Variants in MRC1 observed in about 807,000 individuals in gnomAD.
MRC1 encodes macrophage mannose receptor 1.
MRC1 carries 62 observed loss-of-function variants against 102.9 expected under a neutral mutation model. The ratio of observed to expected loss-of-function variants is 0.60; its 90% CI spans 0.49 to 0.74. The LOEUF is 0.74. Among genes scored for constraint, MRC1 ranks in the 30% least tolerant of loss-of-function variants. The pLI is 0.00. For missense variants in MRC1, 1,237 were observed against 862.8 expected, an observed-to-expected ratio of 1.43 and a Z score of -5.43; for synonymous variants, 457 against 298.4, an observed-to-expected ratio of 1.53 and a Z score of -5.48.
Position 17,849,530 on chromosome 10 carries a change from T to C in MRC1, c.1064-49T>C, listed in dbSNP as rs1838879649. 5.3e-6 allele frequency: 4 copies of C among 761,036 alleles called. 1 individual carries two copies. Among genetic ancestry groups the C allele is most frequent in the Non-Finnish European group, 9.7e-6 (4 of 413,124 alleles). The allele number at this position is 761,036 out of a possible 1,614,324, so 47.1% of individuals were successfully genotyped here. The stretch of plus-strand genomic sequence containing the variant: ...AAATGATTAAAATATTGTTATAGTT[T>C]TAATCAAATCTTTTAAAATTTTTTT... On this transcript the variant is annotated intron_variant, in intron 6 of 29. Coordinates refer to ENST00000569591, the MANE Select transcript of MRC1 (RefSeq NM_002438.4).
intron 1 of MRC1, among the ~76,000 whole-genome samples, chr10:17,816,207 G>A (rs984275246): frequency 6.6e-6 from 1 of 152,164 alleles, no homozygotes; most frequent in Admixed American, 6.6e-5. Flanking sequence ...GGGGTCTTTG[G>A]GGAAAACATA....
intron 10 of MRC1, among the ~76,000 whole-genome samples, chr10:17,862,338 G>T (rs1172839722): frequency 6.6e-6 from 1 of 152,126 alleles, no homozygotes; most frequent in Non-Finnish European, 1.5e-5. Context: ...ATATATGGTA[G>T]TAGCACCCTA....
At chr10:17,886,293 TTCCTTCCTTCCTTCCTTCCTTCCC>T (rs1455033399) in intron 22 of MRC1, among the ~76,000 whole-genome samples, 11 of 151,096 alleles carry the variant, frequency 7.3e-5, no homozygotes, top group African/African-American at 2.0e-4. Context: ...TCTTCCTTCC[TTCCTTCCTTCCTTCCTTCCTTCCC>T]TCCTTCCTTC....
In MRC1 at chr10:17,833,844, G is replaced by T. The variant is rs2477662; in HGVS notation, c.802+5G>T. 385,532 of 780,240 alleles carry T rather than the reference G, an allele frequency of 0.49. 96,878 individuals carry two copies. The highest frequency in any genetic ancestry group is 0.54 in the Non-Finnish European group (223,948 of 417,852). The allele number at this position is 780,240 out of a possible 1,614,324, so 48.3% of individuals were successfully genotyped here. Reference sequence around the variant, plus strand: ...ATGAGCAAACATACCTGACAGGTAAGGACATGAAAAGTCTCAAGTAAAATC... The same window carrying T: ...ATGAGCAAACATACCTGACAGGTAATGACATGAAAAGTCTCAAGTAAAATC... On this transcript the variant is annotated splice_donor_5th_base_variant and intron_variant, in intron 4 of 29. Transcript: ENST00000569591.
In MRC1 at chr10:17,811,398, GACA is replaced by G. The variant is rs1333530452; in HGVS notation, c.61+1873_61+1875del. Among the ~76,000 whole-genome samples, 11 of 152,220 alleles carry G rather than the reference GACA, an allele frequency of 7.2e-5. No individual in the cohort carries two copies. In the East Asian group the frequency reaches 2.1e-3, roughly 29 times the overall value. ...TGCTCAGGAGTGTTTCCCTCTTCCTGACAGCAGGATGCCCTCCTCTGACTAATG... is the reference window on the plus strand; with the variant it reads ...TGCTCAGGAGTGTTTCCCTCTTCCTGGCAGGATGCCCTCCTCTGACTAATG... On this transcript the variant is annotated intron_variant, in intron 1 of 29. Coordinates refer to ENST00000569591, the MANE Select transcript of MRC1 (RefSeq NM_002438.4).
intron 8 of MRC1, among the ~76,000 whole-genome samples, chr10:17,855,080 A>G (rs2130650734): frequency 6.6e-6 from 1 of 152,314 alleles, no homozygotes; most frequent in East Asian, 1.9e-4. Flanking sequence ...AAGAGAGGGG[A>G]TAGAATCTGA....
At chr10:17,830,681 A>C (rs1470971722) in intron 3 of MRC1, among the ~76,000 whole-genome samples, 3 of 151,236 alleles carry the variant, frequency 2.0e-5, no homozygotes, top group Non-Finnish European at 2.9e-5. Context: ...TTACTGTGGG[A>C]ATTTGAACTC....
chr10:17,906,913 C>A lies in MRC1; in HGVS notation c.3827C>A (p.Ala1276Asp). Residue 1276 changes from alanine (A) to aspartate (D), a missense_variant, in exon 27 of 30, where the codon GCT becomes GAT. Physicochemically the swap from Ala to Asp is moderately radical, Grantham distance 126. Coordinates refer to ENST00000569591, the MANE Select transcript of MRC1 (RefSeq NM_002438.4). ...MGSSLVSIES[A>D]AESSFLSYRV... ...TCCTCTCTGGTTTCCATTGAAAGTGCTGCAGAATCCAGTTTTCTGTCATAT... is the reference window on the plus strand; with the variant it reads ...TCCTCTCTGGTTTCCATTGAAAGTGATGCAGAATCCAGTTTTCTGTCATAT... The A allele has an allele frequency of 1.2e-6, 1 of 804,628 alleles. No individual in the cohort carries two copies. The highest frequency in any genetic ancestry group is 2.3e-6 in the Non-Finnish European group (1 of 439,894). 49.8% of individuals were successfully genotyped at this position (804,628 alleles called of 1,614,324 possible).
intron 21 of MRC1, among the ~76,000 whole-genome samples, chr10:17,881,935 G>C (rs1833526859): frequency 7.2e-6 from 1 of 137,950 alleles, no homozygotes; most frequent in African/African-American, 2.8e-5. Flanking sequence ...AAAGTGTTAG[G>C]ATTACAGGTG....
chr10:17,819,979 CAG>C (rs1273538943), intron 1 of MRC1, among the ~76,000 whole-genome samples: 3 of 152,126 alleles, frequency 2.0e-5, no homozygotes, highest in Non-Finnish European at 4.4e-5. Context: ...AGAAATAAAG[CAG>C]TCCAGAGGCA....
Position 17,880,566 on chromosome 10 carries a change from A to C in MRC1, c.2761A>C (p.Ile921Leu). ...DINCGYPNAF[I>L]CQRHNSSINA... ...TAACTGTGGCTATCCAAACGCCTTC[A>C]TTTGCCAGCGACATAACAGTAGTAT... is the stretch of plus-strand genomic sequence containing the variant. The change falls in exon 20 of 30, where the codon ATT becomes CTT. Residue 921 changes from isoleucine to leucine, a missense_variant. Ile to Leu is a conservative substitution (Grantham distance 5). Coordinates refer to ENST00000569591, the MANE Select transcript of MRC1 (RefSeq NM_002438.4). 1.3e-6 allele frequency: 1 copy of C among 780,830 alleles called. No individual in the cohort carries two copies. Among genetic ancestry groups the C allele is most frequent in the East Asian group, 2.4e-5 (1 of 41,252 alleles). 48.4% of individuals were successfully genotyped at this position (780,830 alleles called of 1,614,324 possible).
intron 3 of MRC1, among the ~76,000 whole-genome samples, chr10:17,828,669 C>T (rs1273094263): frequency 6.6e-6 from 1 of 151,424 alleles, no homozygotes; most frequent in African/African-American, 2.5e-5. Flanking sequence ...AAGAAGGGTG[C>T]CATTTAGTTT....
At chr10:17,887,945 G>A (rs1331103452) in intron 22 of MRC1, among the ~76,000 whole-genome samples, 1 of 152,082 alleles carries the variant, frequency 6.6e-6, no homozygotes, top group Non-Finnish European at 1.5e-5. Context: ...TGGGATTACA[G>A]GTGCACACCA....
chr10:17,892,913 G>A (rs1833699905), intron 22 of MRC1, among the ~76,000 whole-genome samples: 1 of 151,896 alleles, frequency 6.6e-6, no homozygotes, highest in Non-Finnish European at 1.5e-5. Context: ...GGGAGGCCGA[G>A]GCAGAAGAAT....
intron 24 of MRC1, among the ~76,000 whole-genome samples, chr10:17,898,968 G>A (rs1175179455): frequency 1.3e-5 from 2 of 152,088 alleles, no homozygotes; most frequent in Admixed American, 6.6e-5. Context: ...ATCAAAGAGA[G>A]GCATATAGAA....
rs952218697 is a variant in MRC1 at position 17,910,456 on chromosome 10, G to T, written c.4362G>T (p.Ser1454=). The change falls in exon 30 of 30, where the codon TCG becomes TCT. Residue 1454 remains serine, a synonymous_variant. Coordinates refer to ENST00000569591, the MANE Select transcript of MRC1 (RefSeq NM_002438.4). ...GCAATATTGAACAGAATGAACACTC[G>T]GTCATCTAGTACCTCAATGCGATTC... The part of the protein sequence containing the change: ...LVGNIEQNEH[S]VI 5 of 780,550 alleles carry T rather than the reference G, an allele frequency of 6.4e-6. No individual in the cohort carries two copies. The East Asian group carries it at 1.2e-4, about 19-fold the overall frequency. 48.4% of individuals were successfully genotyped at this position (780,550 alleles called of 1,614,324 possible).
intron 3 of MRC1, among the ~76,000 whole-genome samples, chr10:17,831,456 G>C (rs1838571695): frequency 1.3e-5 from 2 of 151,326 alleles, no homozygotes; most frequent in Non-Finnish European, 2.9e-5. Flanking sequence ...ATTTTGATAT[G>C]TTTTCTTCCT....
rs1554838413 is a variant in MRC1 at position 17,823,347 on chromosome 10, GAGA to G, written c.339_341del (p.Glu113del). On this transcript the variant is annotated inframe_deletion, in exon 2 of 30. Transcript: ENST00000569591. ...AATGACACACTTTTGGGGATCAAAG[GAGA>G]AGATTTATTTTTTAACTACGGCAAC... The G allele has an allele frequency of 1.3e-6, 1 of 780,834 alleles. No individual in the cohort carries two copies. Among genetic ancestry groups the G allele is most frequent in the Non-Finnish European group, 2.4e-6 (1 of 417,954 alleles). The allele number at this position is 780,834 out of a possible 1,614,324, so 48.4% of individuals were successfully genotyped here.
chr10:17,853,572 A>ACGTG (rs1284766249), intron 8 of MRC1, among the ~76,000 whole-genome samples: 1 of 146,730 alleles, frequency 6.8e-6, no homozygotes, highest in African/African-American at 2.5e-5. Flanking sequence ...ATATATATGT[A>ACGTG]TGTGTGTGTG....
Sources: gnomAD v4.1 joint callset for allele counts (sites outside exome capture counted in the v4.1 genomes callset) on GRCh38, gnomAD v4.1.1 for gene constraint, MANE v1.5 for transcripts, NCBI Gene and HGNC (gene_info 2026-07-23, HGNC 2026-07-21) for gene names.